NRG1: variants seen among roughly 807,000 people sequenced by gnomAD.
NRG1 encodes the protein neuregulin 1.
Under a neutral mutation model 63.8 loss-of-function variants are expected in NRG1, and 18 were observed. That is an observed-to-expected ratio of 0.28 (90% CI 0.19 to 0.42). The LOEUF (loss-of-function observed/expected upper bound fraction) is 0.42, where lower values mean the gene tolerates loss of function less well. Ranked by LOEUF, NRG1 falls within the 10% of genes least tolerant of loss-of-function variation. NRG1 has a pLI of 1.00. For synonymous variants in NRG1, 302 were observed against 301.3 expected, an observed-to-expected ratio of 1.00 and a Z score of -0.02; for missense variants, 762 against 814.7, an observed-to-expected ratio of 0.94 and a Z score of 0.79.
intron 1 of NRG1, among the ~76,000 whole-genome samples, chr8:32,205,429 A>C (rs1225313293): frequency 6.6e-6 from 1 of 152,168 alleles, no homozygotes; most frequent in Non-Finnish European, 1.5e-5. Flanking sequence ...AAAACGTTTC[A>C]ATCAGAAATT....
At chr8:32,587,915 G>GTTTTC (rs111297090) in intron 1 of NRG1, among the ~76,000 whole-genome samples, 38,776 of 151,320 alleles carry the variant, frequency 0.26, 5,075 homozygotes, top group South Asian at 0.33. Flanking sequence ...GGGTTTTTTT[G>GTTTTC]TTTTGTTTTG....
intron 1 of NRG1, among the ~76,000 whole-genome samples, chr8:31,905,030 A>T (rs575717075): frequency 2.5e-3 from 248 of 100,500 alleles, no homozygotes; most frequent in South Asian, 7.6e-3. Context: ...AAGTTTTTTT[A>T]AAAAAAAATA....
At chr8:32,684,254 G>C (rs551572305) in intron 5 of NRG1, among the ~76,000 whole-genome samples, 1 of 152,120 alleles carries the variant, frequency 6.6e-6, no homozygotes, top group Admixed American at 6.5e-5. Flanking sequence ...AAAAAATTTT[G>C]TCAGGCTTAT....
intron 1 of NRG1, among the ~76,000 whole-genome samples, chr8:31,786,172 T>C (rs567023915): frequency 6.6e-6 from 1 of 152,302 alleles, no homozygotes; most frequent in African/African-American, 2.4e-5. Context: ...TCTTGCTTTC[T>C]GCAAAGAATT....
chr8:31,829,522 T>G (rs1824903881), intron 1 of NRG1, among the ~76,000 whole-genome samples: 1 of 152,232 alleles, frequency 6.6e-6, no homozygotes, highest in South Asian at 2.1e-4. Context: ...TTTATTAGAA[T>G]TTCATCCACT....
chr8:31,685,521 T>A (rs1242139293), intron 1 of NRG1, among the ~76,000 whole-genome samples: 1 of 152,204 alleles, frequency 6.6e-6, no homozygotes, highest in African/African-American at 2.4e-5. Flanking sequence ...ATTTACATTG[T>A]CATAGAGTCC....
chr8:32,224,369 C>G (rs997360767), intron 1 of NRG1, among the ~76,000 whole-genome samples: 3 of 152,090 alleles, frequency 2.0e-5, no homozygotes, highest in Non-Finnish European at 2.9e-5. Context: ...GAGATTGCAT[C>G]CTCTTAGACT....
intron 1 of NRG1, among the ~76,000 whole-genome samples, chr8:31,685,192 G>A (rs1176562560): frequency 6.6e-6 from 1 of 152,164 alleles, no homozygotes; most frequent in Non-Finnish European, 1.5e-5. Flanking sequence ...ATACTTATCT[G>A]AGATTCATAT....
At chr8:31,691,504 A>G (rs1012147897) in intron 1 of NRG1, among the ~76,000 whole-genome samples, 51 of 147,818 alleles carry the variant, frequency 3.5e-4, no homozygotes, top group Non-Finnish European at 5.2e-4. Flanking sequence ...CTGAGGCGGG[A>G]GAACGGCATG....
intron 5 of NRG1, chr8:32,647,734 C>T: frequency 1.3e-6 from 2 of 1,578,780 alleles, no homozygotes; most frequent in Non-Finnish European, 1.7e-6. Flanking sequence ...ATTTATTCCC[C>T]AGACATGTCT....
intron 1 of NRG1, among the ~76,000 whole-genome samples, chr8:31,708,232 C>A (rs1811346430): frequency 6.6e-6 from 1 of 152,198 alleles, no homozygotes; most frequent in South Asian, 2.1e-4. Flanking sequence ...TGATACTTGC[C>A]ATTTCTTCCA....
chr8:31,667,458 G>A (rs1806670915), intron 1 of NRG1, among the ~76,000 whole-genome samples: 1 of 152,210 alleles, frequency 6.6e-6, no homozygotes, highest in Non-Finnish European at 1.5e-5. Context: ...AGGGGAGATG[G>A]ATAAGCAAGC....
At chr8:31,797,043 T>TA (rs896754733) in intron 1 of NRG1, among the ~76,000 whole-genome samples, 3 of 151,982 alleles carry the variant, frequency 2.0e-5, no homozygotes, top group Non-Finnish European at 2.9e-5. Flanking sequence ...CTGAGCAGAA[T>TA]AAAAAAAAGT....
chr8:32,608,645 C>A (rs1845767140), intron 3 of NRG1, among the ~76,000 whole-genome samples: 1 of 152,172 alleles, frequency 6.6e-6, no homozygotes, highest in East Asian at 1.9e-4. Context: ...ATAACTCAGC[C>A]TCGAGGAGAT....
At chr8:32,344,377 TC>T (rs1261572031) in intron 1 of NRG1, among the ~76,000 whole-genome samples, 13 of 134,646 alleles carry the variant, frequency 9.7e-5, no homozygotes, top group Admixed American at 1.6e-4. Flanking sequence ...TTTCTTTCTT[TC>T]TTTCTCTTTC....
chr8:32,341,472 C>T (rs547838643), intron 1 of NRG1, among the ~76,000 whole-genome samples: 9 of 152,288 alleles, frequency 5.9e-5, no homozygotes, highest in East Asian at 5.8e-4. Context: ...TGAGGCATTT[C>T]GCCTTGGGAT....
At chr8:32,759,976 G>A (rs4360253) in intron 10 of NRG1, among the ~76,000 whole-genome samples, 145,498 of 152,208 alleles carry the variant, frequency 0.96, 69,903 homozygotes, top group Non-Finnish European at 1. Flanking sequence ...TGAATGAGTG[G>A]ACAAGTGAAT....
chr8:32,314,970 C>T (rs933236638), intron 1 of NRG1, among the ~76,000 whole-genome samples: 1 of 152,170 alleles, frequency 6.6e-6, no homozygotes, highest in Admixed American at 6.5e-5. Flanking sequence ...CTGGTTTCAC[C>T]GCGGATGTCA....
intron 1 of NRG1, among the ~76,000 whole-genome samples, chr8:31,680,439 A>G (rs1260942494): frequency 2.6e-5 from 4 of 151,806 alleles, no homozygotes; most frequent in African/African-American, 9.7e-5. Flanking sequence ...ATGACTTCCA[A>G]TTTCATCCAT....
Sources: allele counts gnomAD v4.1 joint callset (sites outside exome capture counted in the v4.1 genomes callset), GRCh38; gene constraint gnomAD v4.1.1; transcripts MANE v1.5; gene names NCBI Gene and HGNC (gene_info 2026-07-23, HGNC 2026-07-21).